HIVEP3: variants seen among roughly 807,000 people sequenced by gnomAD.
HIVEP3 encodes the protein HIVEP zinc finger 3.
A neutral mutation model predicts 152.8 loss-of-function variants in HIVEP3; 49 were observed. The observed-to-expected ratio is 0.32, with a 90% CI of 0.26 to 0.41. HIVEP3 has a LOEUF of 0.41. Ranked by LOEUF, HIVEP3 falls within the 10% of genes least tolerant of loss-of-function variation. The pLI, the probability that HIVEP3 is intolerant of heterozygous loss-of-function variation, is 1.00. For missense variants in HIVEP3, 2,790 were observed against 3,103.3 expected (o/e 0.90, Z 2.40); for synonymous variants, 1,269 against 1,289.0 (o/e 0.98, Z 0.33).
At chr1:41,540,992 G>A (rs1264479868) in intron 5 of HIVEP3, among the ~76,000 whole-genome samples, 5 of 152,134 alleles carry the variant, frequency 3.3e-5, no homozygotes, top group African/African-American at 7.2e-5. Flanking sequence ...GTGAGTGGGT[G>A]GGAAAACAGG....
At chr1:41,747,610 T>C (rs186227827) in intron 1 of HIVEP3, among the ~76,000 whole-genome samples, 48 of 152,374 alleles carry the variant, frequency 3.2e-4, no homozygotes, top group Non-Finnish European at 5.3e-4. Flanking sequence ...TAGACACATA[T>C]GCAGTTTGAT....
chr1:42,026,887 T>C (rs2124538558), intron 1 of HIVEP3, among the ~76,000 whole-genome samples: 1 of 152,338 alleles, frequency 6.6e-6, no homozygotes, highest in East Asian at 1.9e-4. Context: ...TTAAAGAGCA[T>C]GACTTTTCCA....
chr1:41,944,153 G>T (rs919752782), intron 1 of HIVEP3, among the ~76,000 whole-genome samples: 1 of 152,196 alleles, frequency 6.6e-6, no homozygotes, highest in African/African-American at 2.4e-5. Flanking sequence ...TGTTTGATAA[G>T]TCCAGTTTTA....
chr1:41,514,155 G>A (rs577824922), intron 7 of HIVEP3, among the ~76,000 whole-genome samples: 5 of 144,470 alleles, frequency 3.5e-5, no homozygotes, highest in African/African-American at 1.5e-4. Flanking sequence ...GTCTTTGTTT[G>A]TTTGTTTGTT....
chr1:41,949,830 A>G (rs572936974), intron 1 of HIVEP3, among the ~76,000 whole-genome samples: 13 of 152,356 alleles, frequency 8.5e-5, no homozygotes, highest in Non-Finnish European at 1.6e-4. Context: ...TCCCTGGACC[A>G]GCCTGCTAGC....
At chr1:41,520,331 A>G (rs1015552672) in intron 6 of HIVEP3, among the ~76,000 whole-genome samples, 1 of 152,014 alleles carries the variant, frequency 6.6e-6, no homozygotes, top group African/African-American at 2.4e-5. Context: ...ATCCTTCCCA[A>G]TTTGGGTTTT....
chr1:41,573,245 T>A (rs1644277592), intron 5 of HIVEP3, among the ~76,000 whole-genome samples: 1 of 152,068 alleles, frequency 6.6e-6, no homozygotes, highest in African/African-American at 2.4e-5. Flanking sequence ...CTCTTGGCAA[T>A]TTGGGGGAAC....
chr1:41,819,440 T>C (rs1642521860), intron 1 of HIVEP3, among the ~76,000 whole-genome samples: 2 of 152,200 alleles, frequency 1.3e-5, no homozygotes, highest in Non-Finnish European at 2.9e-5. Context: ...CTTCTGCTAC[T>C]TTCTTTGAAT....
intron 5 of HIVEP3, among the ~76,000 whole-genome samples, chr1:41,574,575 C>T (rs1384219044): frequency 6.6e-6 from 1 of 152,174 alleles, no homozygotes; most frequent in East Asian, 1.9e-4. Flanking sequence ...TTATGGAGGA[C>T]TCCCGTGCCT....
intron 2 of HIVEP3, among the ~76,000 whole-genome samples, chr1:41,680,081 C>T (rs1028099128): frequency 1.3e-5 from 2 of 152,196 alleles, no homozygotes; most frequent in Non-Finnish European, 2.9e-5. Context: ...ATGGTTGAGC[C>T]TCCTTCTAAG....
upstream of HIVEP3, among the ~76,000 whole-genome samples, chr1:41,919,698 G>A (rs1455162110): frequency 6.6e-6 from 1 of 152,138 alleles, no homozygotes; most frequent in South Asian, 2.1e-4. Context: ...AAACAGGGTA[G>A]GGGGAGAGAC....
intron 1 of HIVEP3, among the ~76,000 whole-genome samples, chr1:41,889,322 T>G (rs1461101138): frequency 2.6e-5 from 4 of 152,186 alleles, no homozygotes; most frequent in Non-Finnish European, 5.9e-5. Context: ...AAACCTTAGT[T>G]GCAGCTTTAC....
chr1:41,758,426 G>C (rs546541234), intron 1 of HIVEP3, among the ~76,000 whole-genome samples: 3 of 152,330 alleles, frequency 2.0e-5, no homozygotes, highest in African/African-American at 7.2e-5. Context: ...CTATCCACCA[G>C]GGCCTATCTT....
intron 1 of HIVEP3, among the ~76,000 whole-genome samples, chr1:41,853,637 T>C (rs1011264022): frequency 3.9e-5 from 6 of 152,054 alleles, no homozygotes; most frequent in African/African-American, 7.2e-5. Flanking sequence ...AGAGGTGTTA[T>C]ATAGTAAGGA....
intron 2 of HIVEP3, among the ~76,000 whole-genome samples, chr1:41,644,084 C>T (rs1645421551): frequency 6.6e-6 from 1 of 151,982 alleles, no homozygotes; most frequent in African/African-American, 2.4e-5. Flanking sequence ...TGAGGTCTCA[C>T]TATGTTGCCC....
intron 1 of HIVEP3, among the ~76,000 whole-genome samples, chr1:41,892,564 G>A (rs1329418899): frequency 6.6e-6 from 1 of 152,220 alleles, no homozygotes; most frequent in Non-Finnish European, 1.5e-5. Context: ...AGTGCTGAGT[G>A]AGGCAGTATC....
intron 2 of HIVEP3, among the ~76,000 whole-genome samples, chr1:41,642,171 C>G (rs1043499950): frequency 6.6e-6 from 1 of 152,190 alleles, no homozygotes; most frequent in Non-Finnish European, 1.5e-5. Context: ...TCCTGCCCAG[C>G]CCACCGATCC....
intron 1 of HIVEP3, among the ~76,000 whole-genome samples, chr1:41,992,496 A>C (rs1312973471): frequency 6.9e-6 from 1 of 144,014 alleles, no homozygotes; most frequent in Non-Finnish European, 1.5e-5. Context: ...AGGAAATAAA[A>C]GAGGATACAA....
intron 1 of HIVEP3, among the ~76,000 whole-genome samples, chr1:41,854,517 CTTTTTTT>C (rs998972000): frequency 1.9e-4 from 20 of 103,640 alleles, no homozygotes; most frequent in African/African-American, 5.9e-4. Context: ...TCTTGCTGCA[CTTTTTTT>C]TTTTTTTTTT....
Sources: gnomAD v4.1 joint callset for allele counts (sites outside exome capture counted in the v4.1 genomes callset) on GRCh38, gnomAD v4.1.1 for gene constraint, MANE v1.5 for transcripts, NCBI Gene and HGNC (gene_info 2026-07-23, HGNC 2026-07-21) for gene names.